The following TOP1MT variants were observed in gnomAD, a reference collection of about 807,000 sequenced individuals.
The protein encoded by TOP1MT is DNA topoisomerase I mitochondrial.
TOP1MT carries 80 observed loss-of-function variants against 73.9 expected under a neutral mutation model. The observed-to-expected ratio is 1.08, with a 90% CI of 0.90 to 1.30. The LOEUF (loss-of-function observed/expected upper bound fraction) is 1.30, where lower values mean the gene tolerates loss of function less well. TOP1MT is among the 50% of genes most tolerant of loss of function. TOP1MT has a pLI of 0.00. For missense variants in TOP1MT, 815 were observed against 808.0 expected, an observed-to-expected ratio of 1.01 and a Z score of -0.10; for synonymous variants, 338 against 326.4, an observed-to-expected ratio of 1.04 and a Z score of -0.38.
intron 8 of TOP1MT, among the ~76,000 whole-genome samples, chr8:143,319,629 A>G (rs1422297628): frequency 6.6e-6 from 1 of 150,378 alleles, no homozygotes; most frequent in East Asian, 2.0e-4. Context: ...TCTGGAGACC[A>G]GAGATCTACC....
At chr8:143,348,017 T>A (rs1168829616), upstream of TOP1MT, among the ~76,000 whole-genome samples, 1 of 151,996 alleles carries the variant, frequency 6.6e-6, no homozygotes, top group Admixed American at 6.6e-5. This position sits in a 1 kb window ranked among gnomAD's most constrained non-coding sequence, Gnocchi z 4.6. Context: ...GGCCTCCACA[T>A]CCCACAGCAG....
chr8:143,317,826 C>T lies in TOP1MT; in HGVS notation c.1227G>A (p.Leu409=). The T allele has an allele frequency of 1.2e-6, 2 of 1,614,174 alleles. No homozygotes were observed. The highest frequency in any genetic ancestry group is 1.7e-6 in the Non-Finnish European group (2 of 1,180,024). ...CCATCAGCTCCTGGAGGTGCTTGTT[C>T]AGGCTGGTCGTCTGGGGAGGAAAAT... is the stretch of plus-strand genomic sequence containing the variant. The part of the protein sequence containing the change: ...DLFDRLTTTS[L]NKHLQELMDG... Residue 409 remains leucine, a synonymous_variant, in exon 10 of 14, where the codon CTG becomes CTA. Transcript: ENST00000329245.
intron 7 of TOP1MT, among the ~76,000 whole-genome samples, chr8:143,322,746 C>T (rs1385277834): frequency 5.1e-5 from 1 of 19,764 alleles, no homozygotes; most frequent in Non-Finnish European, 8.8e-5. Context: ...ACGCCACACA[C>T]GCACGCACGC....
chr8:143,311,812 A>G (rs1816022702), intron 12 of TOP1MT, among the ~76,000 whole-genome samples: 1 of 152,164 alleles, frequency 6.6e-6, no homozygotes, highest in Admixed American at 6.6e-5. Flanking sequence ...GAACATCACT[A>G]AAGAAATAAA....
chr8:143,312,325 A>G (rs1475295177), intron 12 of TOP1MT, among the ~76,000 whole-genome samples: 2 of 152,238 alleles, frequency 1.3e-5, no homozygotes, highest in Non-Finnish European at 2.9e-5. Flanking sequence ...CCTCAACAAA[A>G]TATCAGCAAA....
At position 143,326,445 on chromosome 8, in the gene TOP1MT, C is replaced by T. The variant is rs145456273; in HGVS notation, c.361-101G>A. The T allele has an allele frequency of 4.5e-5, 69 of 1,523,574 alleles. No individual in the cohort carries two copies. The Admixed American group carries it at 4.8e-4, about 11-fold the overall frequency. The allele number at this position is 1,523,574 out of a possible 1,614,324, so 94.4% of individuals were successfully genotyped here. A position where few individuals can be genotyped will look rare whatever the true frequency, so the allele number is the denominator to read the frequency against. On this transcript the variant is annotated intron_variant, in intron 3 of 13. Transcript: ENST00000329245. The stretch of plus-strand genomic sequence containing the variant: ...GACAGAAACGCGCTCTCGCCATGTC[C>T]GACGGAGGCGTGTGTGCAATAGGCA...
At chr8:143,354,201 C>T (rs371180121) in intron 1 of TOP1MT, among the ~76,000 whole-genome samples, 316 of 152,110 alleles carry the variant, frequency 2.1e-3, no homozygotes, top group Middle Eastern at 0.02. Flanking sequence ...CAGATATACA[C>T]GCAGCAGGGT....
At chr8:143,315,895 C>A in intron 11 of TOP1MT, 74 bp from the exon 12 acceptor site, 1 of 1,605,144 alleles carries the variant, frequency 6.2e-7, no homozygotes, top group Non-Finnish European at 8.5e-7. Context: ...CCCTTCCACA[C>A]CCTACGTGCC....
chr8:143,342,813 C>T (rs1295879948), intron 2 of TOP1MT, among the ~76,000 whole-genome samples: 1 of 58,538 alleles, frequency 1.7e-5, no homozygotes, highest in Non-Finnish European at 4.9e-5. Context: ...GAGACAGAGT[C>T]TCGCTCTGTC....
chr8:143,343,989 G>C (rs1322382255), intron 1 of TOP1MT: 1 of 152,404 alleles, frequency 6.6e-6, no homozygotes. Flanking sequence ...TGAAACACGC[G>C]TCTTGCAAGG....
In TOP1MT at chr8:143,323,010, CCA is replaced by C. The variant is rs1233854077; in HGVS notation, c.960+987_960+988del. 7.0e-4 allele frequency among the ~76,000 whole-genome samples: 61 copies of C among 86,560 alleles called. 1 individual carries two copies. In the South Asian group the frequency reaches 7.6e-3, roughly 11 times the overall value. The allele number at this position is 86,560 out of a possible 152,430, so 56.8% of individuals were successfully genotyped here. The stretch of plus-strand genomic sequence containing the variant: ...CACACGCACGCCACACACAGGCACG[CCA>C]CACACATGCACACACACACATGCAC... On this transcript the variant is annotated intron_variant, in intron 7 of 13. Transcript: ENST00000329245.
Position 143,324,500 on chromosome 8 carries a change from A to C in TOP1MT, c.801T>G (p.Pro267=). The C allele has an allele frequency of 6.2e-7, 1 of 1,613,942 alleles. No individual in the cohort carries two copies. Among genetic ancestry groups the C allele is most frequent in the Non-Finnish European group, 8.5e-7 (1 of 1,180,006 alleles). Residue 267 remains proline, a synonymous_variant, in exon 6 of 14, where the codon CCT becomes CCG. Transcript: ENST00000329245. The part of the protein sequence containing the change: ...QNSIKYIMLN[P]CSKLKGETAW... ...CTGCGCTCACCTTCAGCTTCGAGCA[A>C]GGGTTCAGCATGATGTACTTGATGG... is the stretch of plus-strand genomic sequence containing the variant.
At chr8:143,322,552 G>GCACGCCACACACAGA (rs1263063815) in intron 7 of TOP1MT, among the ~76,000 whole-genome samples, 2 of 53,696 alleles carry the variant, frequency 3.7e-5, no homozygotes, top group African/African-American at 1.1e-4. Flanking sequence ...CCACACACAC[G>GCACGCCACACACAGA]CACGCCACAC....
intron 11 of TOP1MT, 33 bp from the exon 12 acceptor site, chr8:143,315,854 T>G (rs1816144168): frequency 1.2e-6 from 2 of 1,608,508 alleles, no homozygotes; most frequent in Non-Finnish European, 1.7e-6. Context: ...GGGCTGCCCC[T>G]CCCCATCCCG....
chr8:143,353,873 A>C lies in TOP1MT; in HGVS notation c.-39+2092T>G, dbSNP rs1182128512. Among the ~76,000 whole-genome samples, 7 of 139,622 alleles carry C rather than the reference A, an allele frequency of 5.0e-5. No individual in the cohort carries two copies. In the South Asian group the frequency reaches 7.4e-4, roughly 15 times the overall value. 91.6% of individuals were successfully genotyped at this position (139,622 alleles called of 152,430 possible). ...CAGCTACTCGGGAGGCTGAGGCAGG[A>C]GGATCGCTTGAATCCAGGAGGCAGA... is the stretch of plus-strand genomic sequence containing the variant. On this transcript the variant is annotated intron_variant, in intron 1 of 5. Coordinates refer to the TOP1MT transcript ENST00000518760.
chr8:143,350,877 G>A (rs1054875120), intron 1 of TOP1MT, among the ~76,000 whole-genome samples: 7 of 152,134 alleles, frequency 4.6e-5, no homozygotes, highest in African/African-American at 1.2e-4. Context: ...ACTCCCCACC[G>A]ACAGAGACTG....
chr8:143,359,403 C>G, upstream of TOP1MT: 1 of 985,428 alleles, frequency 1.0e-6, no homozygotes, highest in East Asian at 1.1e-4. Flanking sequence ...AAAGCCGTCA[C>G]TCTGGGGCAG....
Position 143,310,192 on chromosome 8 carries a change from G to A in TOP1MT, c.1579C>T (p.Leu527=), listed in dbSNP as rs374778844. The part of the protein sequence containing the change: ...RSVLEKKRRL[L]EKLQEQLAQL... The stretch of plus-strand genomic sequence containing the variant: ...GCCAGCTGCTCCTGCAGCTTCTCCA[G>A]GAGCCGCCTCTTCTTCTCCAGGACA... The change falls in exon 13 of 14, where the codon CTG becomes TTG. Residue 527 remains leucine (L), a synonymous_variant. Transcript: ENST00000329245. The A allele has an allele frequency of 4.7e-5, 75 of 1,594,450 alleles. No homozygotes were observed. The African/African-American group carries it at 8.2e-4, about 17-fold the overall frequency.
At chr8:143,354,503 G>A (rs56126433) in intron 1 of TOP1MT, among the ~76,000 whole-genome samples, 1,877 of 151,150 alleles carry the variant, frequency 0.012, 58 homozygotes, top group African/African-American at 0.043. Flanking sequence ...ACCTGAGGTC[G>A]GGAGTTTGAG....
Sources: allele counts gnomAD v4.1 joint callset (sites outside exome capture counted in the v4.1 genomes callset), GRCh38; gene constraint gnomAD v4.1.1; non-coding constraint Gnocchi (gnomAD v3.1); transcripts MANE v1.5; gene names NCBI Gene and HGNC (gene_info 2026-07-23, HGNC 2026-07-21).